FEM1C: variants seen among roughly 807,000 people sequenced by gnomAD.
FEM1C encodes the protein fem-1 homolog C, also known as protein fem-1 homolog C.
FEM1C carries 15 observed loss-of-function variants against 37.6 expected under a neutral mutation model. That is an observed-to-expected ratio of 0.40 (90% CI 0.27 to 0.61). The LOEUF is 0.61. Among genes scored for constraint, FEM1C ranks in the 20% least tolerant of loss-of-function variants. The probability of loss-of-function intolerance (pLI) is 0.42; values close to 1 mark genes in which losing one functional copy is unlikely to be tolerated. For missense variants in FEM1C, 532 were observed against 749.7 expected, an observed-to-expected ratio of 0.71 and a Z score of 3.39; for synonymous variants, 287 against 272.8, an observed-to-expected ratio of 1.05 and a Z score of -0.51.
rs150913161 is a variant in FEM1C, at chr5:115,523,293, G to A, written c.*1015C>T. 6.6e-6 allele frequency: 1 copy of A among 152,510 alleles called. No homozygotes were observed. Among genetic ancestry groups the A allele is most frequent in the Non-Finnish European group, 1.5e-5 (1 of 67,928 alleles). 9.4% of individuals were successfully genotyped at this position (152,510 alleles called of 1,614,324 possible). A position where few individuals can be genotyped will look rare whatever the true frequency, so the allele number is the denominator to read the frequency against. ...CTCTTTTTGTAACTAAAAGTGATTT[G>A]CAGTTCAATTACTGAGTATTTCAAT... On this transcript the variant is annotated 3_prime_UTR_variant, in exon 3 of 3. Transcript: ENST00000274457.
At chr5:115,530,511 A>G (rs943419565) in intron 2 of FEM1C, among the ~76,000 whole-genome samples, 2 of 152,144 alleles carry the variant, frequency 1.3e-5, no homozygotes, top group African/African-American at 2.4e-5. Flanking sequence ...TGAACATTAC[A>G]AACTTGATTT....
intron 2 of FEM1C, among the ~76,000 whole-genome samples, chr5:115,530,827 A>G (rs1444460281): frequency 6.6e-6 from 1 of 151,938 alleles, no homozygotes; most frequent in Non-Finnish European, 1.5e-5. Flanking sequence ...GATCATAAAA[A>G]GCACTAAATA....
In FEM1C at chr5:115,522,755, A is replaced by G. The variant is rs1384259838; in HGVS notation, c.*1553T>C. The G allele has an allele frequency of 6.6e-6, 1 of 152,484 alleles. No individual in the cohort carries two copies. The highest frequency in any genetic ancestry group is 2.4e-5 in the African/African-American group (1 of 41,458). The allele number at this position is 152,484 out of a possible 1,614,324, so 9.4% of individuals were successfully genotyped here. ...GGTAAACTGAGTTTTTCTCAAATCA[A>G]TAAGGAGCTTTTTATTGAGAACAAC... On this transcript the variant is annotated 3_prime_UTR_variant, in exon 3 of 3. Transcript: ENST00000274457.
At chr5:115,528,390 A>AGTTCT (rs1286001034) in intron 2 of FEM1C, among the ~76,000 whole-genome samples, 1 of 152,160 alleles carries the variant, frequency 6.6e-6, no homozygotes, top group Non-Finnish European at 1.5e-5. Context: ...AACTAGTGAC[A>AGTTCT]GCCTTGCAGG....
chr5:115,540,687 C>A (rs1754223058), intron 2 of FEM1C, among the ~76,000 whole-genome samples: 1 of 152,008 alleles, frequency 6.6e-6, no homozygotes, highest in Non-Finnish European at 1.5e-5. Flanking sequence ...TATTAGAGTT[C>A]TCTCATATAC....
In FEM1C at chr5:115,543,408, T is replaced by G; in HGVS notation, c.86A>C (p.Glu29Ala). 1 of 1,614,180 alleles carries G rather than the reference T, an allele frequency of 6.2e-7. No homozygotes were observed. The change falls in exon 2 of 3, where the codon GAG becomes GCG. Residue 29 changes from glutamate to alanine, a missense_variant. By Grantham distance (107) the Glu-to-Ala change is moderately radical. Coordinates refer to ENST00000274457, the MANE Select transcript of FEM1C (RefSeq NM_020177.3). Reference protein sequence around the residue: ...LTKLLASKSKEEVSSLISEKT... With the variant: ...LTKLLASKSKAEVSSLISEKT... Reference sequence around the variant, plus strand: ...TTCAGAGATCAAGGAGGAAACCTCCTCTTTGGATTTGCTTGCCAACAATTT... The same window carrying G: ...TTCAGAGATCAAGGAGGAAACCTCCGCTTTGGATTTGCTTGCCAACAATTT...
chr5:115,543,476 T>C lies in FEM1C; in HGVS notation c.18A>G (p.Ala6=), dbSNP rs776035759. ...TGCCATCCCGAGCTGCGTTAAATACTGCTGTCTTTAGATCCATTTATGTCC... is the reference window on the plus strand; with the variant it reads ...TGCCATCCCGAGCTGCGTTAAATACCGCTGTCTTTAGATCCATTTATGTCC... The part of the protein sequence containing the change: MDLKT[A]VFNAARDGKL... Residue 6 remains alanine (A), a synonymous_variant, in exon 2 of 3, where the codon GCA becomes GCG. Transcript: ENST00000274457. 6 of 1,611,060 alleles carry C rather than the reference T, an allele frequency of 3.7e-6. No homozygotes were observed. In the South Asian group the frequency reaches 4.4e-5, roughly 12 times the overall value.
intron 2 of FEM1C, among the ~76,000 whole-genome samples, chr5:115,532,924 T>C (rs974417135): frequency 2.6e-5 from 4 of 152,062 alleles, no homozygotes; most frequent in Admixed American, 1.3e-4. Flanking sequence ...GAGAGGGGTT[T>C]AATGCAAAGG....
At chr5:115,527,730 C>T (rs1753924430) in intron 2 of FEM1C, among the ~76,000 whole-genome samples, 1 of 151,994 alleles carries the variant, frequency 6.6e-6, no homozygotes, top group East Asian at 1.9e-4. Context: ...TGGCCAGGCG[C>T]GGTAGCTCAC....
chr5:115,539,481 C>A (rs986647409), intron 2 of FEM1C, among the ~76,000 whole-genome samples: 1 of 152,010 alleles, frequency 6.6e-6, no homozygotes, highest in African/African-American at 2.4e-5. Context: ...AACCAACTCC[C>A]GTCTCAAAAC....
At position 115,525,223 on chromosome 5, in the gene FEM1C, A is replaced by G; in HGVS notation, c.939T>C (p.Ala313=). Reference sequence around the variant, plus strand: ...CCTGCATTCTCATCTCATCAGGATCAGCAATAAGACCTTCTAGCTCTTCTG... The same window carrying G: ...CCTGCATTCTCATCTCATCAGGATCGGCAATAAGACCTTCTAGCTCTTCTG... The part of the protein sequence containing the change: ...NSAEELEGLI[A]DPDEMRMQAL... Residue 313 remains alanine, a synonymous_variant, in exon 3 of 3, where the codon GCT becomes GCC. Coordinates refer to ENST00000274457, the MANE Select transcript of FEM1C (RefSeq NM_020177.3). 2 of 1,613,552 alleles carry G rather than the reference A, an allele frequency of 1.2e-6. No individual in the cohort carries two copies. The highest frequency in any genetic ancestry group is 2.2e-5 in the South Asian group (2 of 91,062).
intron 2 of FEM1C, among the ~76,000 whole-genome samples, chr5:115,533,319 T>C (rs963718519): frequency 2.0e-5 from 3 of 152,088 alleles, no homozygotes; most frequent in African/African-American, 7.2e-5. Flanking sequence ...TGGCTTTCTA[T>C]GTATAAGCAC....
In FEM1C at chr5:115,523,988, A is replaced by G. The variant is rs546117427; in HGVS notation, c.*320T>C. On this transcript the variant is annotated 3_prime_UTR_variant, in exon 3 of 3. Transcript: ENST00000274457. ...AAATTCACAAACCAGTAAAGTATAA[A>G]GACACCATGGAGAAATGGTTAACTC... 19 of 246,554 alleles carry G rather than the reference A, an allele frequency of 7.7e-5. No homozygotes were observed. The South Asian group carries it at 8.6e-4, about 11-fold the overall frequency. The allele number at this position is 246,554 out of a possible 1,614,324, so 15.3% of individuals were successfully genotyped here. A position where few individuals can be genotyped will look rare whatever the true frequency, so the allele number is the denominator to read the frequency against.
chr5:115,539,756 G>A (rs1754201202), intron 2 of FEM1C, among the ~76,000 whole-genome samples: 1 of 152,028 alleles, frequency 6.6e-6, no homozygotes, highest in African/African-American at 2.4e-5. Context: ...TGGCTATCTT[G>A]TCTTATTGCT....
intron 2 of FEM1C, among the ~76,000 whole-genome samples, chr5:115,537,745 T>G (rs1256457597): frequency 1.3e-5 from 2 of 152,082 alleles, no homozygotes; most frequent in Non-Finnish European, 2.9e-5. Context: ...TTCCCCCTTT[T>G]ATTTTTCTCT....
Position 115,524,851 on chromosome 5 carries a change from C to T in FEM1C, c.1311G>A (p.Gln437=), listed in dbSNP as rs1399457593. The change falls in exon 3 of 3, where the codon CAG becomes CAA. Residue 437 remains glutamine (Q), a synonymous_variant. Transcript: ENST00000274457. ...KQTQCPADPL[Q]LNKALSIILH... Reference sequence around the variant, plus strand: ...AAATAATAGAAAGGGCCTTATTTAACTGTAATGGGTCAGCTGGACACTGAG... The same window carrying T: ...AAATAATAGAAAGGGCCTTATTTAATTGTAATGGGTCAGCTGGACACTGAG... The T allele has an allele frequency of 2.5e-6, 4 of 1,612,490 alleles. No homozygotes were observed. The highest frequency in any genetic ancestry group is 1.1e-5 in the South Asian group (1 of 90,842).
intron 2 of FEM1C, among the ~76,000 whole-genome samples, chr5:115,540,419 C>A (rs971476506): frequency 6.6e-6 from 1 of 151,942 alleles, no homozygotes; most frequent in African/African-American, 2.4e-5. Context: ...TACGAGAAAA[C>A]AATTTTTGGC....
intron 2 of FEM1C, among the ~76,000 whole-genome samples, chr5:115,528,233 A>C (rs1753945323): frequency 6.6e-6 from 1 of 152,182 alleles, no homozygotes; most frequent in African/African-American, 2.4e-5. Context: ...ATTTATTTTT[A>C]AAAATCTGCT....
intron 2 of FEM1C, among the ~76,000 whole-genome samples, chr5:115,540,721 A>C (rs552119224): frequency 6.6e-6 from 1 of 152,218 alleles, no homozygotes; most frequent in African/African-American, 2.4e-5. Context: ...GTACATAAAG[A>C]AGCTTTGGAA....
Sources: gnomAD v4.1 joint callset for allele counts (sites outside exome capture counted in the v4.1 genomes callset) on GRCh38, gnomAD v4.1.1 for gene constraint, MANE v1.5 for transcripts, NCBI Gene and HGNC (gene_info 2026-07-23, HGNC 2026-07-21) for gene names.